Variants in FAM72D observed in about 807,000 individuals in gnomAD.
The protein encoded by FAM72D is RUMY family member 4.
For synonymous variants in FAM72D, 4 were observed against 35.1 expected (o/e 0.11, Z 3.13); for missense variants, 9 against 104.7 (o/e 0.09, Z 3.99).
In FAM72D at chr1:145,112,357, A is replaced by C. The variant is rs1310510968; in HGVS notation, c.*760A>C. The C allele has an allele frequency of 4.6e-5, 7 of 151,620 alleles. No homozygotes were observed. Among genetic ancestry groups the C allele is most frequent in the Non-Finnish European group, 8.8e-5 (6 of 67,916 alleles). 9.4% of individuals were successfully genotyped at this position (151,620 alleles called of 1,614,324 possible). ...GACGAGTGGTCTGTCCTAAATCTTA[A>C]ATAGAAAAAAAAACTAAAGCGATTT... On this transcript the variant is annotated 3_prime_UTR_variant, in exon 4 of 4. Transcript: ENST00000400889.
chr1:145,100,731 G>T (rs1250766528), intron 2 of FAM72D, among the ~76,000 whole-genome samples: 1 of 149,694 alleles, frequency 6.7e-6, no homozygotes, highest in South Asian at 2.1e-4. Flanking sequence ...AGCTCAGGCA[G>T]TCCGCCTGCC....
rs587755306 is a variant in FAM72D at position 145,105,702 on chromosome 1, C to A, written c.355+2571C>A. ...GCGCGGTGGCTCACGCCTGTAATCC[C>A]AGCAGTTTGGGAGGCCAAGGCGGGC... On this transcript the variant is annotated intron_variant, in intron 3 of 3. Transcript: ENST00000400889. Among the ~76,000 whole-genome samples, 16 of 150,730 alleles carry A rather than the reference C, an allele frequency of 1.1e-4. 1 individual carries two copies. The highest frequency in any genetic ancestry group is 3.9e-4 in the African/African-American group (16 of 40,738).
At chr1:145,105,364 AG>A (rs1654868616) in intron 3 of FAM72D, among the ~76,000 whole-genome samples, 1 of 56,166 alleles carries the variant, frequency 1.8e-5, no homozygotes, top group Admixed American at 2.1e-4. Context: ...TTCCAATAGA[AG>A]GCTGTTTTGT....
At chr1:145,101,947 A>G (rs1654728099) in intron 2 of FAM72D, among the ~76,000 whole-genome samples, 1 of 107,844 alleles carries the variant, frequency 9.3e-6, no homozygotes, top group South Asian at 3.1e-4. Context: ...GAGTAAGACT[A>G]AGCTTGAATA....
At chr1:145,100,489 TC>T (rs1211384409) in intron 2 of FAM72D, among the ~76,000 whole-genome samples, 3 of 146,424 alleles carry the variant, frequency 2.0e-5, no homozygotes, top group Non-Finnish European at 4.5e-5. Flanking sequence ...TTTTCTTCTT[TC>T]TTTTTTTTTT....
intron 2 of FAM72D, among the ~76,000 whole-genome samples, chr1:145,100,978 G>C (rs1261399681): frequency 6.7e-6 from 1 of 150,102 alleles, no homozygotes; most frequent in Non-Finnish European, 1.5e-5. Flanking sequence ...GTCTTGCTCT[G>C]TTGCCCAGGC....
At chr1:145,104,058 G>A (rs1490824858) in intron 3 of FAM72D, among the ~76,000 whole-genome samples, 1 of 143,980 alleles carries the variant, frequency 6.9e-6, no homozygotes, top group South Asian at 2.3e-4. Flanking sequence ...GGCTGAGGTG[G>A]GAGGATCACT....
intron 3 of FAM72D, among the ~76,000 whole-genome samples, chr1:145,106,039 C>T (rs1325950780): frequency 7.1e-6 from 1 of 140,764 alleles, no homozygotes; most frequent in Admixed American, 7.1e-5. Context: ...TTCTGGATAA[C>T]TTGCTGCAGC....
At chr1:145,102,789 T>C (rs1216569988) in intron 2 of FAM72D, among the ~76,000 whole-genome samples, 57 of 128,184 alleles carry the variant, frequency 4.4e-4, no homozygotes, top group African/African-American at 1.5e-3. Context: ...ATAATAATAA[T>C]AGCAAAGAAA....
intron 3 of FAM72D, among the ~76,000 whole-genome samples, chr1:145,105,559 G>A (rs1334373643): frequency 7.0e-6 from 1 of 143,310 alleles, no homozygotes; most frequent in Non-Finnish European, 1.5e-5. Flanking sequence ...CAGCTACTTG[G>A]GGGACTGAGG....
chr1:145,094,805 G>T (rs1654303817), upstream of FAM72D: 1 of 617,612 alleles, frequency 1.6e-6, no homozygotes, highest in Admixed American at 2.7e-5. Context: ...ATCCTCCTGG[G>T]TCCTAGGCTG....
At chr1:145,100,420 T>G (rs1466195594) in intron 2 of FAM72D, among the ~76,000 whole-genome samples, 1 of 136,518 alleles carries the variant, frequency 7.3e-6, no homozygotes. Flanking sequence ...TGGTAGTCAT[T>G]GTTACAAGGG....
intron 3 of FAM72D, 70 bp downstream of exon 3, chr1:145,103,201 A>AAAAGAAAG: frequency 2.3e-6 from 1 of 444,330 alleles, no homozygotes; most frequent in Non-Finnish European, 4.0e-6. Flanking sequence ...TTCCCAATAG[A>AAAAGAAAG]TCATTTCAGG....
chr1:145,107,153 ATT>A (rs1295742492), intron 3 of FAM72D, among the ~76,000 whole-genome samples: 1 of 142,594 alleles, frequency 7.0e-6, no homozygotes, highest in Non-Finnish European at 1.5e-5. Flanking sequence ...AAAAAAAAAA[ATT>A]ATTTTAGTAA....
chr1:145,107,476 G>T (rs1654978782), intron 3 of FAM72D, among the ~76,000 whole-genome samples: 1 of 127,106 alleles, frequency 7.9e-6, no homozygotes, highest in South Asian at 2.8e-4. Context: ...TGACCTCAGG[G>T]GATCCGCCTG....
intron 1 of FAM72D, among the ~76,000 whole-genome samples, chr1:145,097,303 C>T (rs1205684405): frequency 1.1e-5 from 1 of 87,428 alleles, no homozygotes; most frequent in Non-Finnish European, 2.0e-5. Context: ...GAATCAAGTC[C>T]GTGGCGTAGA....
chr1:145,101,194 A>G (rs1311676135), intron 2 of FAM72D, among the ~76,000 whole-genome samples: 5 of 139,396 alleles, frequency 3.6e-5, no homozygotes, highest in Admixed American at 7.1e-5. Flanking sequence ...CACCCGCCTC[A>G]GCCTCCCAAA....
intron 3 of FAM72D, among the ~76,000 whole-genome samples, chr1:145,105,674 C>T (rs1385950039): frequency 6.6e-5 from 10 of 150,620 alleles, no homozygotes; most frequent in African/African-American, 9.8e-5. Context: ...AATAAGAGGC[C>T]GGGCGCGGTG....
rs1185996234 is a variant in FAM72D at position 145,105,683 on chromosome 1, T to C, written c.355+2552T>C. 5.4e-5 allele frequency among the ~76,000 whole-genome samples: 8 copies of C among 148,892 alleles called. 1 individual carries two copies. The highest frequency in any genetic ancestry group is 2.0e-4 in the African/African-American group (8 of 40,142). ...AAAAGGAATAAGAGGCCGGGCGCGG[T>C]GGCTCACGCCTGTAATCCCAGCAGT... On this transcript the variant is annotated intron_variant, in intron 3 of 3. Coordinates refer to ENST00000400889, the MANE Select transcript of FAM72D (RefSeq NM_207418.3).
Sources: allele counts gnomAD v4.1 joint callset (sites outside exome capture counted in the v4.1 genomes callset), GRCh38; gene constraint gnomAD v4.1.1; transcripts MANE v1.5; gene names NCBI Gene and HGNC (gene_info 2026-07-23, HGNC 2026-07-21).